Variants in NDRG3 observed in about 807,000 individuals in gnomAD.
NDRG3 encodes NDRG family member 3.
A neutral mutation model predicts 57.2 loss-of-function variants in NDRG3; 23 were observed. The ratio of observed to expected loss-of-function variants is 0.40; its 90% CI spans 0.29 to 0.57. The LOEUF is 0.57. Ranked by LOEUF, NDRG3 falls within the 20% of genes least tolerant of loss-of-function variation. NDRG3 has a pLI of 0.42. For missense variants in NDRG3, 384 were observed against 457.3 expected, an observed-to-expected ratio of 0.84 and a Z score of 1.46; for synonymous variants, 132 against 162.6, an observed-to-expected ratio of 0.81 and a Z score of 1.43.
chr20:36,696,249 C>T (rs1003009639), intron 3 of NDRG3, among the ~76,000 whole-genome samples: 1 of 151,926 alleles, frequency 6.6e-6, no homozygotes, highest in Non-Finnish European at 1.5e-5. Context: ...GGTGTGCATC[C>T]CCACACCTGG....
At position 36,682,584 on chromosome 20, in the gene NDRG3, A is replaced by G; in HGVS notation, c.384-6T>C. The stretch of plus-strand genomic sequence containing the variant: ...TTCCAATGATGCTTTTCAGGCTGTG[A>G]ATGGGACATAACGACAACTGACAGA... On this transcript the variant is annotated splice_region_variant and splice_polypyrimidine_tract_variant and intron_variant, in intron 6 of 15. Transcript: ENST00000349004. 6.2e-7 allele frequency: 1 copy of G among 1,613,460 alleles called. No homozygotes were observed.
intron 3 of NDRG3, among the ~76,000 whole-genome samples, chr20:36,693,740 G>A (rs779538730): frequency 1.3e-5 from 2 of 151,692 alleles, no homozygotes; most frequent in African/African-American, 2.4e-5. Flanking sequence ...TCTAATGCCT[G>A]ATGATCTATC....
chr20:36,695,244 A>G (rs996266093), intron 3 of NDRG3, among the ~76,000 whole-genome samples: 4 of 152,188 alleles, frequency 2.6e-5, no homozygotes, highest in African/African-American at 9.6e-5. Flanking sequence ...ATGTCGCCTC[A>G]GGACCCTGTG....
At chr20:36,677,519 G>C (rs549793205) in intron 8 of NDRG3, among the ~76,000 whole-genome samples, 1 of 152,350 alleles carries the variant, frequency 6.6e-6, no homozygotes, top group East Asian at 1.9e-4. Flanking sequence ...AGAGGACAAA[G>C]AAGGTAGAGA....
intron 3 of NDRG3, among the ~76,000 whole-genome samples, chr20:36,697,963 CTTT>C (rs1026025529): frequency 8.1e-6 from 1 of 123,012 alleles, no homozygotes; most frequent in Non-Finnish European, 1.7e-5. Context: ...TTTCTTTTTT[CTTT>C]TTTTTTTTTT....
rs140059418 is a variant in NDRG3, at chr20:36,744,383, G to A, written c.-49+1662C>T. ...GCACCAGAAGAACACCACGCTTTGAGTAATGAAAAGGGGGGGTGGAAATTA... is the reference window on the plus strand; with the variant it reads ...GCACCAGAAGAACACCACGCTTTGAATAATGAAAAGGGGGGGTGGAAATTA... On this transcript the variant is annotated intron_variant, in intron 1 of 15. Coordinates refer to ENST00000349004, the MANE Select transcript of NDRG3 (RefSeq NM_032013.4). 4.3e-3 allele frequency among the ~76,000 whole-genome samples: 657 copies of A among 151,644 alleles called. 7 individuals carry two copies. Among genetic ancestry groups the A allele is most frequent in the African/African-American group, 0.015 (628 of 40,976 alleles).
intron 12 of NDRG3, among the ~76,000 whole-genome samples, chr20:36,662,897 G>T (rs1187378268): frequency 6.6e-6 from 1 of 152,072 alleles, no homozygotes; most frequent in South Asian, 2.1e-4. Flanking sequence ...AACTGCAAAG[G>T]TTGCTTTAAG....
chr20:36,657,081 G>A (rs1293126136), intron 13 of NDRG3, among the ~76,000 whole-genome samples: 1 of 152,152 alleles, frequency 6.6e-6, no homozygotes, highest in Admixed American at 6.5e-5. Context: ...GATTTCTAGG[G>A]TATGGCTTCA....
chr20:36,668,834 T>C (rs757435459), intron 9 of NDRG3, among the ~76,000 whole-genome samples: 4 of 150,742 alleles, frequency 2.7e-5, no homozygotes, highest in East Asian at 1.9e-4. Context: ...GCGAGAGAAA[T>C]ATATATATAT....
Position 36,665,039 on chromosome 20 carries a change from T to C in NDRG3, c.810+7A>G. The C allele has an allele frequency of 6.2e-7, 1 of 1,613,894 alleles. No homozygotes were observed. Among genetic ancestry groups the C allele is most frequent in the Non-Finnish European group, 8.5e-7 (1 of 1,179,768 alleles). On this transcript the variant is annotated splice_region_variant and intron_variant, in intron 12 of 15. Transcript: ENST00000349004. ...CATTCATCTTCACAGCATGAGGACA[T>C]ACTTACCACAGCCTCAACTGCAGGC...
intron 1 of NDRG3, among the ~76,000 whole-genome samples, chr20:36,722,612 G>C (rs990100523): frequency 6.6e-6 from 1 of 152,104 alleles, no homozygotes; most frequent in African/African-American, 2.4e-5. Flanking sequence ...TGCAGGATGA[G>C]GACTTGAATT....
At chr20:36,726,914 C>CT (rs34520989) in intron 1 of NDRG3, among the ~76,000 whole-genome samples, 30,122 of 125,394 alleles carry the variant, frequency 0.24, 4,105 homozygotes, top group East Asian at 0.48. Context: ...ATCTTTCTTT[C>CT]TTTTTTTTTT....
At chr20:36,657,509 C>T (rs1397574972) in intron 13 of NDRG3, among the ~76,000 whole-genome samples, 1 of 151,188 alleles carries the variant, frequency 6.6e-6, no homozygotes, top group African/African-American at 2.4e-5. Context: ...AAGGAACGTA[C>T]ATTTCTAATA....
At chr20:36,705,473 C>T (rs1037482150) in intron 3 of NDRG3, among the ~76,000 whole-genome samples, 5 of 152,094 alleles carry the variant, frequency 3.3e-5, no homozygotes, top group African/African-American at 1.2e-4. Context: ...ATAGTTCTTT[C>T]TTCTGATGCT....
chr20:36,712,014 C>G (rs570805602), intron 2 of NDRG3, among the ~76,000 whole-genome samples: 2 of 152,142 alleles, frequency 1.3e-5, no homozygotes, highest in Non-Finnish European at 2.9e-5. Context: ...CTCCTGACCT[C>G]GTGATCTGCC....
chr20:36,658,950 C>T (rs892252929), intron 13 of NDRG3, among the ~76,000 whole-genome samples: 7 of 149,608 alleles, frequency 4.7e-5, no homozygotes, highest in African/African-American at 7.4e-5. Context: ...ATCATGTTGA[C>T]GAAGTTTTTT....
At chr20:36,705,595 C>G (rs887429673) in intron 3 of NDRG3, among the ~76,000 whole-genome samples, 1 of 152,134 alleles carries the variant, frequency 6.6e-6, no homozygotes, top group Non-Finnish European at 1.5e-5. Flanking sequence ...TGCCAGCACC[C>G]TCCTTTACTG....
Position 36,653,438 on chromosome 20 carries a change from C to A in NDRG3, c.*82G>T. On this transcript the variant is annotated 3_prime_UTR_variant, in exon 16 of 16. Coordinates refer to ENST00000349004, the MANE Select transcript of NDRG3 (RefSeq NM_032013.4). The surrounding 1 kb of genome is among the most constrained non-coding windows in gnomAD (Gnocchi z 4.2). The stretch of plus-strand genomic sequence containing the variant: ...ATGCATGAGTTAAAGATAGTAGAGG[C>A]CAGTTTACTGGATGAAATGTTATAT... 7.8e-7 allele frequency: 1 copy of A among 1,276,880 alleles called. No individual in the cohort carries two copies. 79.1% of individuals were successfully genotyped at this position (1,276,880 alleles called of 1,614,324 possible). A position where few individuals can be genotyped will look rare whatever the true frequency, so the allele number is the denominator to read the frequency against.
intron 1 of NDRG3, among the ~76,000 whole-genome samples, chr20:36,732,811 T>C (rs1568672212): frequency 6.6e-6 from 1 of 151,934 alleles, no homozygotes; most frequent in African/African-American, 2.4e-5. Flanking sequence ...CTGCACTGTG[T>C]CCATTTAGTC....
Sources: allele counts gnomAD v4.1 joint callset (sites outside exome capture counted in the v4.1 genomes callset), GRCh38; gene constraint gnomAD v4.1.1; non-coding constraint Gnocchi (gnomAD v3.1); transcripts MANE v1.5; gene names NCBI Gene and HGNC (gene_info 2026-07-23, HGNC 2026-07-21).